RBFOX1: variants seen among roughly 807,000 people sequenced by gnomAD.
RBFOX1 encodes RNA binding protein fox-1 homolog 1.
RBFOX1 carries 8 observed loss-of-function variants against 57.7 expected under a neutral mutation model. That is an observed-to-expected ratio of 0.14 (90% CI 0.08 to 0.25). The LOEUF is 0.25. Among genes scored for constraint, RBFOX1 ranks in the 10% least tolerant of loss-of-function variants. RBFOX1 has a pLI of 1.00. For synonymous variants in RBFOX1, 326 were observed against 222.4 expected (o/e 1.47, Z -4.15); for missense variants, 611 against 548.5 (o/e 1.11, Z -1.14).
intron 4 of RBFOX1, among the ~76,000 whole-genome samples, chr16:5,973,558 A>C (rs2060004309): frequency 6.6e-6 from 1 of 152,152 alleles, no homozygotes; most frequent in Non-Finnish European, 1.5e-5. Context: ...TACTTTTGTT[A>C]TTGTTAGGTT....
chr16:7,151,697 A>G (rs907361568), intron 4 of RBFOX1, among the ~76,000 whole-genome samples: 3 of 151,922 alleles, frequency 2.0e-5, no homozygotes, highest in Admixed American at 6.6e-5. Flanking sequence ...TAATTACACA[A>G]CTCACCATAA....
chr16:6,535,602 A>T (rs1458188982), intron 2 of RBFOX1, among the ~76,000 whole-genome samples: 1 of 152,172 alleles, frequency 6.6e-6, no homozygotes, highest in Non-Finnish European at 1.5e-5. Flanking sequence ...TGATTCAGTG[A>T]ATGATTGAAT....
intron 2 of RBFOX1, among the ~76,000 whole-genome samples, chr16:5,575,786 A>G (rs905422466): frequency 6.6e-6 from 1 of 151,814 alleles, no homozygotes; most frequent in African/African-American, 2.4e-5. Flanking sequence ...ATAAAATGTA[A>G]CCTCTTCTTG....
intron 1 of RBFOX1, among the ~76,000 whole-genome samples, chr16:6,226,254 T>C: frequency 6.8e-6 from 1 of 148,036 alleles, no homozygotes; most frequent in South Asian, 2.2e-4. Flanking sequence ...GTGCCTGTAA[T>C]CCCAGGTACT....
intron 3 of RBFOX1, among the ~76,000 whole-genome samples, chr16:6,798,943 T>A (rs2084729372): frequency 6.6e-6 from 1 of 152,300 alleles, no homozygotes; most frequent in East Asian, 1.9e-4. Flanking sequence ...AAGTTTCTCT[T>A]CAAATGGCTA....
chr16:6,685,867 C>T (rs983207392), intron 3 of RBFOX1, among the ~76,000 whole-genome samples: 11 of 152,058 alleles, frequency 7.2e-5, no homozygotes, highest in African/African-American at 2.4e-4. Context: ...TGTCTTAAAG[C>T]CACCATTATT....
chr16:7,533,527 C>T (rs1243010252), intron 5 of RBFOX1, among the ~76,000 whole-genome samples: 1 of 152,230 alleles, frequency 6.6e-6, no homozygotes, highest in African/African-American at 2.4e-5. Flanking sequence ...ATTTAATACA[C>T]TTCCCCTACT....
chr16:5,827,774 CA>C (rs1457501303), intron 3 of RBFOX1, among the ~76,000 whole-genome samples: 1 of 152,142 alleles, frequency 6.6e-6, no homozygotes, highest in African/African-American at 2.4e-5. Context: ...TGTGTCTCTA[CA>C]GTTTTTTTCT....
intron 1 of RBFOX1, among the ~76,000 whole-genome samples, chr16:5,274,073 C>T (rs112714652): frequency 2.6e-5 from 4 of 152,172 alleles, no homozygotes; most frequent in Non-Finnish European, 5.9e-5. Context: ...CAGGTTTTCG[C>T]TCTTAAACCT....
At chr16:5,574,239 G>A (rs1021573291) in intron 2 of RBFOX1, among the ~76,000 whole-genome samples, 10 of 152,236 alleles carry the variant, frequency 6.6e-5, no homozygotes, top group Middle Eastern at 6.8e-3. Flanking sequence ...CCGTGATTTC[G>A]TACAGTTTGA....
chr16:6,669,157 A>G (rs909184788), intron 3 of RBFOX1, among the ~76,000 whole-genome samples: 2 of 152,074 alleles, frequency 1.3e-5, no homozygotes, highest in Non-Finnish European at 2.9e-5. Flanking sequence ...CAGAAAACCC[A>G]GGGATTATGC....
rs142523579 is a variant in RBFOX1 at position 5,463,769 on chromosome 16, C to T, written c.220-3447C>T. Among the ~76,000 whole-genome samples the T allele has an allele frequency of 3.1e-3, 460 of 149,482 alleles. 3 individuals are homozygous for T. Among genetic ancestry groups the T allele is most frequent in the African/African-American group, 0.011 (427 of 40,236 alleles). On this transcript the variant is annotated intron_variant, in intron 1 of 2. Transcript: ENST00000585867. ...AAGTCAAGATTGCACCACTGCACTC[C>T]AGCCTGGGTGACAGAGTGAGACTGT...
At chr16:6,695,839 T>C (rs116694959) in intron 3 of RBFOX1, among the ~76,000 whole-genome samples, 2,567 of 152,312 alleles carry the variant, frequency 0.017, 77 homozygotes, top group African/African-American at 0.058. Flanking sequence ...TTGTTTTCCC[T>C]GCTGGAAATC....
intron 2 of RBFOX1, among the ~76,000 whole-genome samples, chr16:6,530,767 C>G (rs1321822171): frequency 2.0e-5 from 3 of 146,508 alleles, no homozygotes; most frequent in African/African-American, 7.4e-5. Flanking sequence ...CCACCCCCAT[C>G]TCATGAGACT....
intron 3 of RBFOX1, among the ~76,000 whole-genome samples, chr16:5,688,391 G>C (rs1193868499): frequency 6.6e-6 from 1 of 152,326 alleles, no homozygotes; most frequent in East Asian, 1.9e-4. Context: ...ATTTTCCTTA[G>C]CTAGGGATAA....
intron 4 of RBFOX1, among the ~76,000 whole-genome samples, chr16:7,299,426 C>T (rs574988403): frequency 1.3e-5 from 2 of 152,246 alleles, no homozygotes; most frequent in East Asian, 3.9e-4. Flanking sequence ...ACAACCCACA[C>T]CCAAACTAGA....
chr16:7,461,161 A>G (rs1410964522), intron 4 of RBFOX1, among the ~76,000 whole-genome samples: 5 of 151,512 alleles, frequency 3.3e-5, no homozygotes, highest in Admixed American at 6.6e-5. Flanking sequence ...GGATGAAAAA[A>G]CAAAGGCAAA....
chr16:6,056,959 G>C (rs1219220779), intron 1 of RBFOX1: 1 of 151,068 alleles, frequency 6.6e-6, no homozygotes, highest in African/African-American at 2.4e-5. Context: ...CTCTTTTTAT[G>C]ATACCTTTCC....
rs926203006 is a variant in RBFOX1, at chr16:6,071,822, G to A, written c.-127+51830G>A. Reference sequence around the variant, plus strand: ...TGTCTATTGCAGACACTTTGTATAAGTAGAATCATGCAATGTTTATCCTTC... The same window carrying A: ...TGTCTATTGCAGACACTTTGTATAAATAGAATCATGCAATGTTTATCCTTC... On this transcript the variant is annotated intron_variant, in intron 1 of 15. Transcript: ENST00000550418. Among the ~76,000 whole-genome samples, 5 of 152,148 alleles carry A rather than the reference G, an allele frequency of 3.3e-5. No individual in the cohort carries two copies. In the East Asian group the frequency reaches 7.7e-4, roughly 23 times the overall value.
Sources: allele counts gnomAD v4.1 joint callset (sites outside exome capture counted in the v4.1 genomes callset), GRCh38; gene constraint gnomAD v4.1.1; transcripts MANE v1.5; gene names NCBI Gene and HGNC (gene_info 2026-07-23, HGNC 2026-07-21).